The following RAB7B variants were observed in gnomAD, a reference collection of about 807,000 sequenced individuals.
RAB7B encodes RAB7B, member RAS oncogene family, also known as ras-related protein Rab-7b.
At chr1:205,989,814 C>T (rs1660685822) in intron 4 of RAB7B, among the ~76,000 whole-genome samples, 1 of 152,180 alleles carries the variant, frequency 6.6e-6, no homozygotes, top group Non-Finnish European at 1.5e-5. Context: ...CCTACGGAGA[C>T]CCCACCTCAA....
At chr1:205,986,886 TG>T (rs1249259615) in intron 4 of RAB7B, among the ~76,000 whole-genome samples, 8 of 152,246 alleles carry the variant, frequency 5.3e-5, no homozygotes, top group Non-Finnish European at 1.0e-4. Flanking sequence ...ACACTGCCCC[TG>T]TTTAATTGTC....
chr1:205,985,848 T>TCCCCACCATCCCCACCAGGCCCACCATC (rs1571792921), intron 4 of RAB7B, among the ~76,000 whole-genome samples, 183 bp from the exon 5 acceptor site: 2 of 6,414 alleles, frequency 3.1e-4, no homozygotes, highest in African/African-American at 4.8e-4. Flanking sequence ...CCACCACCAC[T>TCCCCACCATCCCCACCAGGCCCACCATC]CCCATTTATT....
chr1:205,994,475 A>C (rs982573677), intron 1 of RAB7B: 1 of 174,826 alleles, frequency 5.7e-6, no homozygotes, highest in South Asian at 2.0e-4. Context: ...GGCCTCGCAG[A>C]CAGCCCAGCC....
At chr1:205,998,432 C>T (rs941847291) in intron 1 of RAB7B, among the ~76,000 whole-genome samples, 94,550 of 152,112 alleles carry the variant, frequency 0.62, 32,744 homozygotes, top group East Asian at 0.99. Flanking sequence ...GAGTTTGAAC[C>T]CATGGAATCT....
chr1:205,988,719 G>A (rs1039462152), intron 4 of RAB7B, among the ~76,000 whole-genome samples: 15 of 152,132 alleles, frequency 9.9e-5, no homozygotes, highest in Non-Finnish European at 1.8e-4. Context: ...TCTCCGCCCC[G>A]CAGAGGAGGG....
chr1:206,002,026 G>T (rs977058315), intron 1 of RAB7B, among the ~76,000 whole-genome samples: 9 of 152,042 alleles, frequency 5.9e-5, no homozygotes. Flanking sequence ...AGAGTCTCCC[G>T]CCCCCATCAT....
chr1:205,992,941 A>T (rs987574799), intron 3 of RAB7B, among the ~76,000 whole-genome samples: 1 of 152,204 alleles, frequency 6.6e-6, no homozygotes, highest in East Asian at 1.9e-4. Context: ...CCTCTGGGTC[A>T]TCAAGGTGGC....
Position 205,994,150 on chromosome 1 carries a change from GC to G in RAB7B, c.-16del, listed in dbSNP as rs2102641458. On this transcript the variant is annotated splice_region_variant and 5_prime_UTR_variant, in exon 2 of 6. Coordinates refer to ENST00000617070, the MANE Select transcript of RAB7B (RefSeq NM_001164522.3). ...CGGGGATTCATGGAAGGGCTTCAGA[GC>G]CTGTAAGGAAACAGAGGTCATCCAC... The G allele has an allele frequency of 2.5e-6, 1 of 398,682 alleles. No homozygotes were observed. Among genetic ancestry groups the G allele is most frequent in the East Asian group, 3.6e-5 (1 of 28,086 alleles). The allele number at this position is 398,682 out of a possible 1,614,324, so 24.7% of individuals were successfully genotyped here. A position where few individuals can be genotyped will look rare whatever the true frequency, so the allele number is the denominator to read the frequency against.
At chr1:205,998,130 C>A (rs949250478) in intron 1 of RAB7B, among the ~76,000 whole-genome samples, 2 of 152,006 alleles carry the variant, frequency 1.3e-5, no homozygotes, top group African/African-American at 4.8e-5. Context: ...CCAAGGTGGG[C>A]GGATCATGAG....
chr1:205,986,872 T>C (rs1365511663), intron 4 of RAB7B, among the ~76,000 whole-genome samples: 1 of 152,036 alleles, frequency 6.6e-6, no homozygotes, highest in Non-Finnish European at 1.5e-5. Context: ...CCGAGGCAAA[T>C]CAAACACTGC....
intron 5 of RAB7B, among the ~76,000 whole-genome samples, chr1:205,982,301 G>C (rs1163074956): frequency 6.6e-6 from 1 of 152,170 alleles, no homozygotes; most frequent in Non-Finnish European, 1.5e-5. Context: ...AACTGCTCCT[G>C]TTCCTTTCTC....
At chr1:205,979,521 G>A (rs1345683258) in intron 5 of RAB7B, among the ~76,000 whole-genome samples, 1 of 152,118 alleles carries the variant, frequency 6.6e-6, no homozygotes, top group African/African-American at 2.4e-5. Flanking sequence ...TTTCCAGCTG[G>A]CTCCACTTCT....
At chr1:206,000,521 C>T (rs1272988291) in intron 1 of RAB7B, among the ~76,000 whole-genome samples, 3 of 152,206 alleles carry the variant, frequency 2.0e-5, no homozygotes, top group Non-Finnish European at 2.9e-5. Context: ...GTTACTGAAC[C>T]TTGGGGCGTC....
At chr1:205,984,616 C>G (rs1255859900) in intron 5 of RAB7B, among the ~76,000 whole-genome samples, 2 of 152,186 alleles carry the variant, frequency 1.3e-5, no homozygotes, top group African/African-American at 4.8e-5. Flanking sequence ...TAAAACCACG[C>G]CACTGCTTCC....
At chr1:206,001,878 C>T (rs1226330401) in intron 1 of RAB7B, among the ~76,000 whole-genome samples, 5 of 152,206 alleles carry the variant, frequency 3.3e-5, no homozygotes, top group Non-Finnish European at 7.3e-5. Context: ...TCTCATTTCT[C>T]ACTTCCTTTC....
At chr1:205,999,644 A>G (rs2102255908) in intron 1 of RAB7B, among the ~76,000 whole-genome samples, 1 of 152,332 alleles carries the variant, frequency 6.6e-6, no homozygotes, top group East Asian at 1.9e-4. Flanking sequence ...ATATGCTCAA[A>G]CACATATTTG....
intron 1 of RAB7B, among the ~76,000 whole-genome samples, chr1:205,996,198 C>A (rs1408338291): frequency 7.1e-6 from 1 of 140,312 alleles, no homozygotes; most frequent in African/African-American, 2.7e-5. Context: ...CAAGGTAAAG[C>A]AAAACTGTTG....
intron 5 of RAB7B, among the ~76,000 whole-genome samples, chr1:205,980,257 GA>G (rs1660465368): frequency 6.6e-6 from 1 of 152,086 alleles, no homozygotes; most frequent in Non-Finnish European, 1.5e-5. Flanking sequence ...GTAGGTGTGA[GA>G]AATGTCCTCA....
chr1:205,981,993 T>G (rs1660501119), intron 5 of RAB7B, among the ~76,000 whole-genome samples: 1 of 152,210 alleles, frequency 6.6e-6, no homozygotes, highest in South Asian at 2.1e-4. Context: ...TACTCTGGTT[T>G]CTTTCACAAT....
Sources: gnomAD v4.1 joint callset for allele counts (sites outside exome capture counted in the v4.1 genomes callset) on GRCh38, gnomAD v4.1.1 for gene constraint, MANE v1.5 for transcripts, NCBI Gene and HGNC (gene_info 2026-07-23, HGNC 2026-07-21) for gene names.